The following SALL1 variants were observed in gnomAD, a reference collection of about 807,000 sequenced individuals.
SALL1 encodes sal-like protein 1.
Under a neutral mutation model 73.1 loss-of-function variants are expected in SALL1, and 10 were observed. The observed-to-expected ratio is 0.14, with a 90% confidence interval of 0.08 to 0.23. The LOEUF is 0.23. Among genes scored for constraint, SALL1 ranks in the 10% least tolerant of loss-of-function variants. The pLI is 1.00. For synonymous variants in SALL1, 688 were observed against 689.8 expected (o/e 1.00, Z 0.04); for missense variants, 1,520 against 1,697.3 (o/e 0.90, Z 1.84).
rs971297683 is a variant in SALL1 at position 51,139,601 on chromosome 16, T to C, written c.2621A>G (p.Asn874Ser). ...CTGTAGCTGCTCTGCCAGGCCAGCATTGATCATCTTCATCTGATTTTCCAA... is the reference window on the plus strand; with the variant it reads ...CTGTAGCTGCTCTGCCAGGCCAGCACTGATCATCTTCATCTGATTTTCCAA... ...AALENQMKMI[N>S]AGLAEQLQAS... The change falls in exon 2 of 3, where the codon AAT becomes AGT. Residue 874 changes from asparagine (N) to serine (S), a missense_variant. Asn to Ser is a conservative substitution (Grantham distance 46). Transcript: ENST00000251020. 6.2e-7 allele frequency: 1 copy of C among 1,613,764 alleles called. No individual in the cohort carries two copies. The highest frequency in any genetic ancestry group is 8.5e-7 in the Non-Finnish European group (1 of 1,179,742).
rs760730869 is a variant in SALL1 at position 51,138,954 on chromosome 16, T to G, written c.3268A>C (p.Asn1090His). ...SLSSLIKTEV[N>H]GFVHVSPQDS... ...TGAGGAGAAACATGCACGAAGCCGT[T>G]GACCTCTGTCTTGATGAGAGATGAC... Residue 1090 changes from asparagine (N) to histidine (H), a missense_variant, in exon 2 of 3, where the codon AAC (asparagine) becomes CAC (histidine). By Grantham distance (68) the Asn-to-His change is moderately conservative. This residue lies in a region of SALL1 where 318 missense variants were observed against 357.1 expected (regional missense o/e 0.89). Transcript: ENST00000251020. 6.2e-7 allele frequency: 1 copy of G among 1,614,060 alleles called. No homozygotes were observed. The highest frequency in any genetic ancestry group is 1.3e-5 in the African/African-American group (1 of 74,920).
chr16:51,141,529 T>C lies in SALL1; in HGVS notation c.693A>G (p.Glu231=). ...GGKLAVPALM[E]QLLALQQQQI... is the part of the protein sequence containing the mutation. The stretch of plus-strand genomic sequence containing the variant: ...GCTGCTGCTGCAGAGCTAGGAGTTG[T>C]TCCATGAGGGCTGGGACGGCCAGCT... Residue 231 remains glutamate (E), a synonymous_variant, in exon 2 of 3, where the codon GAA becomes GAG. Transcript: ENST00000251020. The surrounding 1 kb of genome is among the most constrained non-coding windows in gnomAD (Gnocchi z 5.4). 2 of 1,614,046 alleles carry C rather than the reference T, an allele frequency of 1.2e-6. No homozygotes were observed. The highest frequency in any genetic ancestry group is 1.7e-6 in the Non-Finnish European group (2 of 1,180,000).
chr16:51,151,884 G>C (rs1423160809), upstream of SALL1, among the ~76,000 whole-genome samples: 1 of 151,670 alleles, frequency 6.6e-6, no homozygotes, highest in Non-Finnish European at 1.5e-5. Flanking sequence ...TCCCAACTCG[G>C]GGGCGAGGCG....
rs1414047708 is a variant in SALL1, at chr16:51,139,935, T to C, written c.2287A>G (p.Arg763Gly). 1 of 1,614,200 alleles carries C rather than the reference T, an allele frequency of 6.2e-7. No homozygotes were observed. Among genetic ancestry groups the C allele is most frequent in the Admixed American group, 1.7e-5 (1 of 60,032 alleles). The change falls in exon 2 of 3, where the codon AGA (arginine) becomes GGA (glycine). Residue 763 changes from arginine to glycine, a missense_variant. Around this residue, in one of 7 missense-constraint regions of SALL1, gnomAD observed 77 missense variants for 117.2 expected, o/e 0.66. Transcript: ENST00000251020. Reference sequence around the variant, plus strand: ...CAGATGGGGCAGGAATGCTGGACTCTGAGCGGGGGCATAGCACGATGGACA... The same window carrying C: ...CAGATGGGGCAGGAATGCTGGACTCCGAGCGGGGGCATAGCACGATGGACA... ...YSVHRAMPPL[R>G]VQHSCPICQK...
chr16:51,138,467 A>T (rs954065917), intron 2 of SALL1, among the ~76,000 whole-genome samples: 4 of 152,136 alleles, frequency 2.6e-5, no homozygotes, highest in Non-Finnish European at 4.4e-5. Context: ...GTGCACTGAC[A>T]TTCAGTGAGC....
chr16:51,142,217 A>C (rs1237439729), intron 1 of SALL1, 72 bp from the exon 2 acceptor site: 9 of 1,255,598 alleles, frequency 7.2e-6, no homozygotes, highest in African/African-American at 1.5e-5. Flanking sequence ...TTAAAAAAAA[A>C]AAGGCTAATC....
At position 51,137,119 on chromosome 16, in the gene SALL1, G is replaced by C. The variant is rs1460897474; in HGVS notation, c.3968C>G (p.Thr1323Arg). 1.9e-6 allele frequency: 3 copies of C among 1,614,006 alleles called. No homozygotes were observed. The highest frequency in any genetic ancestry group is 1.1e-5 in the South Asian group (1 of 91,078). Residue 1323 changes from threonine to arginine, a missense_variant, in exon 3 of 3, where the codon ACG becomes AGG. Thr to Arg is a moderately conservative substitution (Grantham distance 71). Around this residue, in one of 7 missense-constraint regions of SALL1, gnomAD observed 318 missense variants for 357.1 expected, o/e 0.89. Coordinates refer to ENST00000251020, the MANE Select transcript of SALL1 (RefSeq NM_002968.3). ...TCTCCAGCCCGAGCTGCTTTAACTC[G>C]TGACGATCTCCTTGCTGTCCTCCAC... The part of the protein sequence containing the change: ...RFVEDSKEIV[T>R]S
intron 1 of SALL1, among the ~76,000 whole-genome samples, chr16:51,144,672 T>G (rs1425530574): frequency 6.6e-6 from 1 of 152,210 alleles, no homozygotes; most frequent in African/African-American, 2.4e-5. Flanking sequence ...GGAAGGTTAC[T>G]TTACAGGATT....
intron 1 of SALL1, among the ~76,000 whole-genome samples, chr16:51,146,787 C>G (rs1248432710): frequency 6.6e-6 from 1 of 152,126 alleles, no homozygotes; most frequent in Non-Finnish European, 1.5e-5. Flanking sequence ...TCTAGGTTTT[C>G]TAAAGCCTGG....
At chr16:51,144,738 CACTT>C (rs1271301093) in intron 1 of SALL1, among the ~76,000 whole-genome samples, 5 of 152,136 alleles carry the variant, frequency 3.3e-5, no homozygotes, top group East Asian at 1.9e-4. Flanking sequence ...CCTCGAGACT[CACTT>C]GAGAATTTTC....
intron 1 of SALL1, among the ~76,000 whole-genome samples, chr16:51,145,325 C>A (rs1462167268): frequency 6.6e-6 from 1 of 152,084 alleles, no homozygotes; most frequent in Non-Finnish European, 1.5e-5. Context: ...CACAAGATTG[C>A]AACTGGTGAC....
At position 51,136,920 on chromosome 16, in the gene SALL1, A is replaced by G. The variant is rs3743767; in HGVS notation, c.*192T>C. On this transcript the variant is annotated 3_prime_UTR_variant, in exon 3 of 3. Coordinates refer to ENST00000251020, the MANE Select transcript of SALL1 (RefSeq NM_002968.3). ...CATTCTGTTTGCAAAGCAAGGTTAT[A>G]TCGCTAATAAATAAGCTTTCTTAGA... is the stretch of plus-strand genomic sequence containing the variant. 2.1e-3 allele frequency: 1,263 copies of G among 611,434 alleles called. 17 individuals are homozygous for G. The East Asian group carries it at 0.031, about 15-fold the overall frequency. The allele number at this position is 611,434 out of a possible 1,614,324, so 37.9% of individuals were successfully genotyped here.
At chr16:51,146,587 A>G (rs919784492) in intron 1 of SALL1, among the ~76,000 whole-genome samples, 6 of 152,186 alleles carry the variant, frequency 3.9e-5, no homozygotes, top group African/African-American at 1.4e-4. Flanking sequence ...TGAGGGTGAC[A>G]GGGGAATAAG....
chr16:51,149,372 C>A (rs1412900074), intron 1 of SALL1: 2 of 152,066 alleles, frequency 1.3e-5, no homozygotes, highest in African/African-American at 4.8e-5. Context: ...AACAGTTTTC[C>A]GGTGCAAAAG....
chr16:51,144,770 C>G (rs1232724244), intron 1 of SALL1, among the ~76,000 whole-genome samples: 1 of 152,112 alleles, frequency 6.6e-6, no homozygotes, highest in Non-Finnish European at 1.5e-5. Flanking sequence ...TCAATCTAAA[C>G]ATTTTTATAT....
Position 51,139,426 on chromosome 16 carries a change from G to A in SALL1, c.2796C>T (p.Ser932=). 6.2e-7 allele frequency: 1 copy of A among 1,614,178 alleles called. No homozygotes were observed. The highest frequency in any genetic ancestry group is 8.5e-7 in the Non-Finnish European group (1 of 1,180,038). Residue 932 remains serine (S), a synonymous_variant, in exon 2 of 3, where the codon TCC becomes TCT. Transcript: ENST00000251020. ...STSSMQALSP[S]NSTQEFHKSP... ...ACTTGTGGAACTCCTGCGTGCTGTT[G>A]GACGGGGACAGAGCCTGCATGGAAG...
chr16:51,151,025 T>C, intron 1 of SALL1, 141 bp downstream of exon 1: 1 of 469,088 alleles, frequency 2.1e-6, no homozygotes, highest in Non-Finnish European at 3.7e-6. Flanking sequence ...AAAAAAAAAA[T>C]TACGCCGAGT....
chr16:51,139,761 G>C lies in SALL1; in HGVS notation c.2461C>G (p.Leu821Val), dbSNP rs766208261. The stretch of plus-strand genomic sequence containing the variant: ...ATGTTTTCATCAGAGAAGTTGTCTA[G>C]GTCATCAAAATTTTTCTCATCAAAG... ...GSFDEKNFDD[L>V]DNFSDENMED... Residue 821 changes from leucine to valine, a missense_variant, in exon 2 of 3, where the codon CTA becomes GTA. Leu to Val is a conservative substitution (Grantham distance 32). This residue lies in a region of SALL1 where 266 missense variants were observed against 275.1 expected (regional missense o/e 0.97). Coordinates refer to ENST00000251020, the MANE Select transcript of SALL1 (RefSeq NM_002968.3). The C allele has an allele frequency of 8.7e-6, 14 of 1,614,092 alleles. No individual in the cohort carries two copies. The East Asian group carries it at 2.9e-4, about 33-fold the overall frequency.
chr16:51,141,863 T>A lies in SALL1; in HGVS notation c.359A>T (p.Asp120Val). The A allele has an allele frequency of 6.2e-7, 1 of 1,613,848 alleles. No individual in the cohort carries two copies. Among genetic ancestry groups the A allele is most frequent in the Middle Eastern group, 1.7e-4 (1 of 5,880 alleles). Residue 120 changes from aspartate (D) to valine (V), a missense_variant, in exon 2 of 3, where the codon GAC becomes GTC. Around this residue, in one of 7 missense-constraint regions of SALL1, gnomAD observed 540 missense variants for 567.5 expected, o/e 0.95. Transcript: ENST00000251020. The surrounding 1 kb of genome is among the most constrained non-coding windows in gnomAD (Gnocchi z 5.4). ...CSDLSEHNGL[D>V]REESMEVEAP... ...CTCCACCTCCATGGACTCTTCCCTG[T>A]CAAGTCCGTTGTGTTCTGAAAGGTC...
Sources: gnomAD v4.1 joint callset for allele counts (sites outside exome capture counted in the v4.1 genomes callset) on GRCh38, gnomAD v4.1.1 for gene constraint, gnomAD v4.1.1 regional missense constraint, Gnocchi (gnomAD v3.1) non-coding constraint, MANE v1.5 for transcripts, NCBI Gene and HGNC (gene_info 2026-07-23, HGNC 2026-07-21) for gene names.